The following PRKAR1B variants were observed in gnomAD, a reference collection of about 807,000 sequenced individuals.
PRKAR1B encodes the protein protein kinase cAMP-dependent type I regulatory subunit beta, also known as cAMP-dependent protein kinase type I-beta regulatory subunit.
PRKAR1B carries 22 observed loss-of-function variants against 46.5 expected under a neutral mutation model. The observed-to-expected ratio is 0.47, with a 90% CI of 0.34 to 0.68. The LOEUF is 0.68. Among genes scored for constraint, PRKAR1B ranks in the 30% least tolerant of loss-of-function variants. The pLI, the probability that PRKAR1B is intolerant of heterozygous loss-of-function variation, is 0.01. For missense variants in PRKAR1B, 445 were observed against 535.6 expected, an observed-to-expected ratio of 0.83 and a Z score of 1.67; for synonymous variants, 259 against 217.7, an observed-to-expected ratio of 1.19 and a Z score of -1.67.
chr7:701,268 AAAAGAAAG>A (rs546452344), intron 2 of PRKAR1B, among the ~76,000 whole-genome samples: 59 of 111,738 alleles, frequency 5.3e-4, no homozygotes, highest in Admixed American at 2.9e-3. Context: ...AAAGAAGGAA[AAAAGAAAG>A]AAAGAAAGAG....
At chr7:677,474 T>C (rs1285980333) in intron 3 of PRKAR1B, among the ~76,000 whole-genome samples, 154 bp from the exon 4 acceptor site, 1 of 152,224 alleles carries the variant, frequency 6.6e-6, no homozygotes, top group Non-Finnish European at 1.5e-5. Context: ...CACTGTTTTT[T>C]TCTAAACAGA....
At chr7:630,399 C>G (rs1482022501) in intron 4 of PRKAR1B, among the ~76,000 whole-genome samples, 2 of 152,230 alleles carry the variant, frequency 1.3e-5, no homozygotes, top group African/African-American at 4.8e-5. Context: ...AGGTGGCAGG[C>G]AGGCAGCGGG....
chr7:584,430 G>C, intron 8 of PRKAR1B, 78 bp downstream of exon 8: 1 of 1,268,444 alleles, frequency 7.9e-7, no homozygotes, highest in Non-Finnish European at 1.1e-6. Flanking sequence ...GCCACGCAGG[G>C]AATGGGGAAG....
At chr7:664,161 C>T (rs1028428291) in intron 4 of PRKAR1B, among the ~76,000 whole-genome samples, 1 of 152,216 alleles carries the variant, frequency 6.6e-6, no homozygotes, top group Non-Finnish European at 1.5e-5. Context: ...CCATCCCCAG[C>T]CAGCTGGTGA....
intron 4 of PRKAR1B, among the ~76,000 whole-genome samples, chr7:634,653 T>C (rs1203167873): frequency 6.6e-6 from 1 of 151,704 alleles, no homozygotes; most frequent in Non-Finnish European, 1.5e-5. Context: ...GTTTTTTTTT[T>C]TTTTAAGGTG....
chr7:727,498 GC>G (rs902768492), upstream of PRKAR1B: 2,433 of 289,212 alleles, frequency 8.4e-3, 73 homozygotes, highest in East Asian at 0.063. Context: ...ACCCCGCCCG[GC>G]CCCCTCCTCC....
chr7:554,916 C>T (rs2128420776), intron 9 of PRKAR1B, among the ~76,000 whole-genome samples: 1 of 152,338 alleles, frequency 6.6e-6, no homozygotes, highest in South Asian at 2.1e-4. Flanking sequence ...TGGCAGGGAC[C>T]CAGCCTTGCT....
At chr7:630,283 G>A (rs1783661685) in intron 4 of PRKAR1B, among the ~76,000 whole-genome samples, 2 of 152,346 alleles carry the variant, frequency 1.3e-5, no homozygotes, top group Non-Finnish European at 2.9e-5. Flanking sequence ...GTACCTGAGG[G>A]CTCGGCCAGC....
At chr7:588,517 T>C (rs1244910815) in intron 7 of PRKAR1B, among the ~76,000 whole-genome samples, 2 of 139,552 alleles carry the variant, frequency 1.4e-5, no homozygotes, top group African/African-American at 2.7e-5. Flanking sequence ...GTGATCACGA[T>C]GATGGTGGTG....
chr7:679,562 G>A (rs537467748), intron 3 of PRKAR1B, among the ~76,000 whole-genome samples: 12 of 152,316 alleles, frequency 7.9e-5, no homozygotes, highest in South Asian at 6.2e-4. Context: ...TAAGTACTGC[G>A]GAAAGGAATG....
At chr7:632,051 G>A (rs867976335) in intron 4 of PRKAR1B, among the ~76,000 whole-genome samples, 3 of 152,132 alleles carry the variant, frequency 2.0e-5, no homozygotes, top group South Asian at 4.1e-4. Context: ...TGGCACAGCT[G>A]TGTGTAGCCC....
At chr7:685,727 T>A (rs530774750) in intron 2 of PRKAR1B, among the ~76,000 whole-genome samples, 2 of 152,110 alleles carry the variant, frequency 1.3e-5, no homozygotes, top group Non-Finnish European at 2.9e-5. Flanking sequence ...TCCAACATTC[T>A]GAAGGAAACT....
At chr7:583,535 T>TGTGCACATACC (rs1780384564) in intron 8 of PRKAR1B, among the ~76,000 whole-genome samples, 2 of 107,984 alleles carry the variant, frequency 1.9e-5, no homozygotes, top group Middle Eastern at 6.6e-3. Flanking sequence ...ACACACCCAC[T>TGTGCACATACC]CACACACGTG....
intron 4 of PRKAR1B, among the ~76,000 whole-genome samples, chr7:618,092 C>T (rs540355753): frequency 1.3e-5 from 2 of 152,140 alleles, no homozygotes; most frequent in East Asian, 1.9e-4. Flanking sequence ...TGGTAAGTGC[C>T]GGAGTGAGGG....
chr7:580,777 G>A (rs1313655015), intron 8 of PRKAR1B, among the ~76,000 whole-genome samples: 2 of 150,076 alleles, frequency 1.3e-5, no homozygotes, highest in African/African-American at 4.9e-5. Context: ...ACGTTTCCTG[G>A]CCTATACAAA....
intron 4 of PRKAR1B, among the ~76,000 whole-genome samples, chr7:629,507 G>A (rs192813454): frequency 0.028 from 2,354 of 84,300 alleles, 50 homozygotes; most frequent in Middle Eastern, 0.061. Flanking sequence ...CACGGCCTCC[G>A]AAGGCACCAC....
intron 9 of PRKAR1B, among the ~76,000 whole-genome samples, chr7:578,526 TG>T (rs1318936653): frequency 1.3e-5 from 2 of 152,186 alleles, no homozygotes; most frequent in African/African-American, 4.8e-5. Context: ...GTACCCTGAA[TG>T]TATGCGATGT....
chr7:710,407 G>T (rs1780555588), intron 2 of PRKAR1B, among the ~76,000 whole-genome samples: 1 of 152,188 alleles, frequency 6.6e-6, no homozygotes, highest in African/African-American at 2.4e-5. Flanking sequence ...TGTCACAGGG[G>T]CTCCTGTCCC....
In PRKAR1B at chr7:714,581, C is replaced by T. The variant is rs1028584344; in HGVS notation, c.-22-3054G>A. On this transcript the variant is annotated intron_variant, in intron 1 of 10. Transcript: ENST00000537384. This position sits in a 1 kb window ranked among gnomAD's most constrained non-coding sequence, Gnocchi z 4.3. ...TTCCCCGCCACTCAGATCCCTGTTC[C>T]AGTGGCCCCCACCCCACACAAGGAC... 4.6e-5 allele frequency among the ~76,000 whole-genome samples: 7 copies of T among 152,226 alleles called. No homozygotes were observed. The highest frequency in any genetic ancestry group is 1.4e-4 in the African/African-American group (6 of 41,458).
Sources: gnomAD v4.1 joint callset for allele counts (sites outside exome capture counted in the v4.1 genomes callset) on GRCh38, gnomAD v4.1.1 for gene constraint, Gnocchi (gnomAD v3.1) non-coding constraint, MANE v1.5 for transcripts, NCBI Gene and HGNC (gene_info 2026-07-23, HGNC 2026-07-21) for gene names.